SHOC1: variants seen among roughly 807,000 people sequenced by gnomAD.
The protein encoded by SHOC1 is shortage in chiasmata 1.
Under a neutral mutation model 179.2 loss-of-function variants are expected in SHOC1, and 136 were observed. The ratio of observed to expected loss-of-function variants is 0.76; its 90% CI spans 0.66 to 0.87. The LOEUF is 0.87. Among genes scored for constraint, SHOC1 ranks in the 40% least tolerant of loss-of-function variants. The pLI is 0.00. For missense variants in SHOC1, 1,538 were observed against 1,700.8 expected (o/e 0.90, Z 1.68); for synonymous variants, 489 against 586.6 (o/e 0.83, Z 2.41).
chr9:111,715,828 T>G (rs1832759119), intron 16 of SHOC1, among the ~76,000 whole-genome samples: 1 of 152,198 alleles, frequency 6.6e-6, no homozygotes, highest in African/African-American at 2.4e-5. Context: ...TATATCTCTG[T>G]TGTAATACCT....
intron 6 of SHOC1, 86 bp downstream of exon 6, chr9:111,758,609 T>C (rs1412640771): frequency 1.2e-5 from 15 of 1,262,510 alleles, no homozygotes; most frequent in African/African-American, 1.5e-5. Flanking sequence ...AAAAAAAACA[T>C]TGTTGATAAC....
chr9:111,689,605 A>AT (rs1157210434), intron 27 of SHOC1, among the ~76,000 whole-genome samples: 3 of 29,428 alleles, frequency 1.0e-4, no homozygotes, highest in Non-Finnish European at 1.5e-4. Flanking sequence ...GGAAAAATAA[A>AT]TTTTTTTTAA....
At chr9:111,693,657 T>C (rs1043793839) in intron 26 of SHOC1, 142 bp downstream of exon 26, 1 of 436,408 alleles carries the variant, frequency 2.3e-6, no homozygotes, top group African/African-American at 2.0e-5. Flanking sequence ...GAAATTTAGT[T>C]CAAGTAAATT....
At chr9:111,726,950 A>G (rs142720627) in intron 13 of SHOC1, among the ~76,000 whole-genome samples, 1 of 152,332 alleles carries the variant, frequency 6.6e-6, no homozygotes. Flanking sequence ...TATAAATATC[A>G]AAAGTTTCCA....
intron 8 of SHOC1, among the ~76,000 whole-genome samples, chr9:111,755,522 G>C (rs1159402023): frequency 1.3e-5 from 2 of 151,944 alleles, no homozygotes; most frequent in Admixed American, 6.6e-5. Flanking sequence ...AAATATTTGG[G>C]CTTATACTGT....
At chr9:111,706,936 T>C (rs1171031275) in intron 19 of SHOC1, among the ~76,000 whole-genome samples, 190 bp from the exon 20 acceptor site, 2 of 152,134 alleles carry the variant, frequency 1.3e-5, no homozygotes, top group Non-Finnish European at 2.9e-5. Flanking sequence ...TTCTTCTTAA[T>C]GATCATACAT....
chr9:111,772,062 A>G (rs1481469291), intron 5 of SHOC1, among the ~76,000 whole-genome samples: 2 of 151,910 alleles, frequency 1.3e-5, no homozygotes, highest in African/African-American at 4.8e-5. Context: ...GTAATTTTCT[A>G]TATCTTGTAG....
At position 111,704,086 on chromosome 9, in the gene SHOC1, G is replaced by T. The variant is rs554513907; in HGVS notation, c.2856-94C>A. On this transcript the variant is annotated intron_variant, in intron 21 of 27. Coordinates refer to ENST00000682961, the MANE Select transcript of SHOC1 (RefSeq NM_001378211.1). ...TCCCTCCTGCATGTTAAGTTATTTGGATTTCTATGCTTTTTCTTTTACATG... is the reference window on the plus strand; with the variant it reads ...TCCCTCCTGCATGTTAAGTTATTTGTATTTCTATGCTTTTTCTTTTACATG... 436 of 577,756 alleles carry T rather than the reference G, an allele frequency of 7.5e-4. 4 individuals are homozygous for T. The Middle Eastern group carries it at 0.011, about 14-fold the overall frequency. 35.8% of individuals were successfully genotyped at this position (577,756 alleles called of 1,614,324 possible).
chr9:111,791,312 G>T, intron 2 of SHOC1, 62 bp downstream of exon 2: 1 of 888,026 alleles, frequency 1.1e-6, no homozygotes, highest in Non-Finnish European at 1.6e-6. Context: ...TATATTGAAT[G>T]TAGTTAACAC....
At position 111,694,118 on chromosome 9, in the gene SHOC1, CCT is replaced by C. The variant is rs199821579; in HGVS notation, c.3315+111_3315+112del. ...GCAGATTAAAACTTTTGTTATTGCA[CCT>C]ACCACTCAATTTGAGACATTTGGGG... On this transcript the variant is annotated intron_variant, in intron 25 of 27. Transcript: ENST00000682961. 1.5e-3 allele frequency: 1,795 copies of C among 1,184,060 alleles called. 31 individuals are homozygous for C. In the African/African-American group the frequency reaches 0.026, roughly 17 times the overall value. 73.3% of individuals were successfully genotyped at this position (1,184,060 alleles called of 1,614,324 possible). A position where few individuals can be genotyped will look rare whatever the true frequency, so the allele number is the denominator to read the frequency against.
intron 27 of SHOC1, among the ~76,000 whole-genome samples, chr9:111,688,361 C>A (rs1242969592): frequency 6.6e-6 from 1 of 152,020 alleles, no homozygotes; most frequent in Non-Finnish European, 1.5e-5. Context: ...AATTTATTAT[C>A]CATATATTAT....
At chr9:111,762,831 G>A (rs989681886) in intron 5 of SHOC1, among the ~76,000 whole-genome samples, 1 of 151,570 alleles carries the variant, frequency 6.6e-6, no homozygotes, top group Non-Finnish European at 1.5e-5. Context: ...TGCTTCTACC[G>A]AACAAAGTTC....
chr9:111,728,369 C>T (rs919689747), intron 12 of SHOC1, among the ~76,000 whole-genome samples: 2 of 152,050 alleles, frequency 1.3e-5, no homozygotes, highest in Non-Finnish European at 2.9e-5. Context: ...CACTTACCTA[C>T]CAGGAAAGCC....
chr9:111,742,256 A>T (rs527359305), intron 10 of SHOC1, among the ~76,000 whole-genome samples: 1 of 152,282 alleles, frequency 6.6e-6, no homozygotes, highest in East Asian at 1.9e-4. Context: ...AATCTAAGTA[A>T]AATTACCATG....
chr9:111,686,955 T>TC (rs71373757), intron 27 of SHOC1, 85 bp from the exon 28 acceptor site: 1 of 816,592 alleles, frequency 1.2e-6, no homozygotes, highest in African/African-American at 1.9e-5. Flanking sequence ...TTTTTTTTTT[T>TC]CTTTTTTGAG....
At chr9:111,781,750 A>AAATAAATTAATTAATAAATTAATT (rs765900257) in intron 3 of SHOC1, among the ~76,000 whole-genome samples, 4 of 150,892 alleles carry the variant, frequency 2.7e-5, no homozygotes, top group Admixed American at 6.6e-5. Context: ...ATAAATAAAT[A>AAATAAATTAATTAATAAATTAATT]AATTTGTATG....
chr9:111,793,678 A>ATT (rs1564174980), intron 1 of SHOC1, among the ~76,000 whole-genome samples: 9 of 60,930 alleles, frequency 1.5e-4, no homozygotes, highest in African/African-American at 3.4e-4. Flanking sequence ...GCAATTCTCG[A>ATT]ATTTTTTTTT....
rs1399153407 is a variant in SHOC1, at chr9:111,764,425, C to T, written c.443-5577G>A. ...ATTTCATGCATCCACTGGTATTTTG[C>T]AATGTATCCACTGTGGATAAGGGGG... On this transcript the variant is annotated intron_variant, in intron 5 of 27. Transcript: ENST00000682961. Among the ~76,000 whole-genome samples, 28 of 152,106 alleles carry T rather than the reference C, an allele frequency of 1.8e-4. 1 individual carries two copies. The highest frequency in any genetic ancestry group is 1.8e-3 in the Admixed American group (28 of 15,274).
chr9:111,735,011 A>G (rs945209303), intron 12 of SHOC1, among the ~76,000 whole-genome samples: 2 of 151,464 alleles, frequency 1.3e-5, no homozygotes, highest in African/African-American at 4.9e-5. Context: ...TATTGTTGCC[A>G]TCTTTATGTC....
Sources: allele counts gnomAD v4.1 joint callset (sites outside exome capture counted in the v4.1 genomes callset), GRCh38; gene constraint gnomAD v4.1.1; transcripts MANE v1.5; gene names NCBI Gene and HGNC (gene_info 2026-07-23, HGNC 2026-07-21).